The following MORN3 variants were observed in gnomAD, a reference collection of about 807,000 sequenced individuals.
MORN3 encodes MORN repeat-containing protein 3.
MORN3 carries 38 observed loss-of-function variants against 34.7 expected under a neutral mutation model. The observed-to-expected ratio is 1.10, with a 90% CI of 0.85 to 1.44. MORN3 has a LOEUF of 1.44. Among genes scored for constraint, MORN3 ranks in the 40% most tolerant of loss-of-function variants. MORN3 has a pLI of 0.00. For synonymous variants in MORN3, 109 were observed against 115.3 expected, an observed-to-expected ratio of 0.95 and a Z score of 0.35; for missense variants, 311 against 321.7, an observed-to-expected ratio of 0.97 and a Z score of 0.25.
At chr12:121,672,154 G>C (rs1299742345), upstream of MORN3, among the ~76,000 whole-genome samples, 1 of 152,086 alleles carries the variant, frequency 6.6e-6, no homozygotes, top group Non-Finnish European at 1.5e-5. Flanking sequence ...AGGTTGTTTT[G>C]ATGCTGAGTA....
chr12:121,658,370 T>A (rs1326316727), intron 2 of MORN3, among the ~76,000 whole-genome samples: 2 of 151,612 alleles, frequency 1.3e-5, no homozygotes, highest in African/African-American at 4.8e-5. Flanking sequence ...ATGGAGACCA[T>A]CCTGGCTAAC....
At chr12:121,652,282 G>A (rs1273228158) in intron 5 of MORN3, among the ~76,000 whole-genome samples, 3 of 151,982 alleles carry the variant, frequency 2.0e-5, no homozygotes, top group Non-Finnish European at 4.4e-5. Context: ...CGCCCAGGCT[G>A]GAGTGCAGTG....
chr12:121,659,164 CA>C (rs750858005), intron 2 of MORN3, 26 bp downstream of exon 2: 142 of 1,607,722 alleles, frequency 8.8e-5, no homozygotes, highest in South Asian at 5.9e-4. Context: ...CACACACACA[CA>C]CACCCCGGCT....
intron 1 of MORN3, among the ~76,000 whole-genome samples, chr12:121,660,666 C>CT (rs1893556376): frequency 8.2e-6 from 1 of 121,876 alleles, no homozygotes; most frequent in South Asian, 3.4e-4. Context: ...TTCTTTCTTT[C>CT]TTTCTTTTTT....
In MORN3 at chr12:121,654,317, C is replaced by T. The variant is rs1555325460; in HGVS notation, c.420G>A (p.Gln140=). ...YYSNGDIYEG[Q]WENDKPNGEG... Reference sequence around the variant, plus strand: ...CCCCGTTGGGCTTGTCGTTCTCCCACTGTCCCTCGTAGATGTCGCCGTTGC... The same window carrying T: ...CCCCGTTGGGCTTGTCGTTCTCCCATTGTCCCTCGTAGATGTCGCCGTTGC... Residue 140 remains glutamine, a synonymous_variant, in exon 3 of 6, where the codon CAG becomes CAA. Coordinates refer to ENST00000355329, the MANE Select transcript of MORN3 (RefSeq NM_173855.5). 1.2e-6 allele frequency: 2 copies of T among 1,602,146 alleles called. No individual in the cohort carries two copies. Among genetic ancestry groups the T allele is most frequent in the Admixed American group, 3.4e-5 (2 of 58,102 alleles).
At chr12:121,652,853 C>T in intron 4 of MORN3, 45 bp from the exon 5 acceptor site, 1 of 1,601,810 alleles carries the variant, frequency 6.2e-7, no homozygotes, top group Non-Finnish European at 8.6e-7. Context: ...CATGGAGGAC[C>T]CAGGCTGCCA....
At chr12:121,657,042 A>T (rs1555325768) in intron 2 of MORN3, among the ~76,000 whole-genome samples, 1 of 152,144 alleles carries the variant, frequency 6.6e-6, no homozygotes, top group African/African-American at 2.4e-5. Context: ...CAAAATTATG[A>T]CTGAGACAGT....
chr12:121,659,387 G>A, intron 1 of MORN3, 39 bp from the exon 2 acceptor site: 1 of 1,604,642 alleles, frequency 6.2e-7, no homozygotes, highest in Non-Finnish European at 8.5e-7. Flanking sequence ...AGACATGGCC[G>A]CCGGGGGGTG....
chr12:121,652,833 G>A, intron 4 of MORN3, 25 bp from the exon 5 acceptor site: 1 of 1,613,330 alleles, frequency 6.2e-7, no homozygotes, highest in Admixed American at 1.7e-5. Flanking sequence ...CAAGAAGTTG[G>A]TTTGGAGAGC....
intron 3 of MORN3, among the ~76,000 whole-genome samples, chr12:121,653,613 T>C (rs1167380559): frequency 6.6e-6 from 1 of 152,050 alleles, no homozygotes; most frequent in Non-Finnish European, 1.5e-5. Flanking sequence ...GTTCAAGTGA[T>C]TCTCCTGCCT....
chr12:121,662,005 G>C (rs913198575), intron 1 of MORN3, among the ~76,000 whole-genome samples: 1 of 151,926 alleles, frequency 6.6e-6, no homozygotes, highest in Admixed American at 6.6e-5. Context: ...AGTGAAATAA[G>C]CCAAGCAGAG....
upstream of MORN3, among the ~76,000 whole-genome samples, chr12:121,669,979 T>G (rs1893908927): frequency 6.6e-6 from 1 of 151,772 alleles, no homozygotes; most frequent in Non-Finnish European, 1.5e-5. Flanking sequence ...GTTCAAGTGA[T>G]TCTCGTGCCT....
intron 2 of MORN3, 116 bp from the exon 3 acceptor site, chr12:121,654,549 C>T: frequency 8.6e-7 from 1 of 1,157,704 alleles, no homozygotes; most frequent in Admixed American, 2.9e-5. Context: ...CTTCCTCAGC[C>T]CTACGTCCAA....
chr12:121,665,288 T>TC (rs1260342221), intron 1 of MORN3, among the ~76,000 whole-genome samples: 2 of 102,096 alleles, frequency 2.0e-5, no homozygotes, highest in African/African-American at 8.4e-5. Context: ...CTTTTTTTTT[T>TC]TTTTTTTTTT....
intron 1 of MORN3, among the ~76,000 whole-genome samples, chr12:121,668,619 C>T (rs892410356): frequency 6.6e-6 from 1 of 152,042 alleles, no homozygotes; most frequent in Non-Finnish European, 1.5e-5. Flanking sequence ...GAGGCTTGGA[C>T]AGGAGGATTG....
At chr12:121,655,753 G>A (rs187906891) in intron 2 of MORN3, among the ~76,000 whole-genome samples, 4 of 150,084 alleles carry the variant, frequency 2.7e-5, no homozygotes, top group African/African-American at 7.4e-5. Context: ...CACTTAGGCT[G>A]GGCGCTGTGG....
intron 2 of MORN3, among the ~76,000 whole-genome samples, chr12:121,656,284 C>T (rs1893414631): frequency 6.6e-6 from 1 of 151,986 alleles, no homozygotes; most frequent in Non-Finnish European, 1.5e-5. Context: ...TCCTGGCTAA[C>T]TCCTAGCATC....
At chr12:121,660,190 C>T (rs550890500) in intron 1 of MORN3, among the ~76,000 whole-genome samples, 1 of 141,436 alleles carries the variant, frequency 7.1e-6, no homozygotes, top group Non-Finnish European at 1.5e-5. Context: ...GCCGAGATGA[C>T]GTCGTTGCAG....
At chr12:121,661,521 A>G (rs777196074) in intron 1 of MORN3, among the ~76,000 whole-genome samples, 2 of 152,162 alleles carry the variant, frequency 1.3e-5, no homozygotes, top group African/African-American at 2.4e-5. Flanking sequence ...TTGACCAAGT[A>G]AGTTAATTCT....
Sources: gnomAD v4.1 joint callset for allele counts (sites outside exome capture counted in the v4.1 genomes callset) on GRCh38, gnomAD v4.1.1 for gene constraint, MANE v1.5 for transcripts, NCBI Gene and HGNC (gene_info 2026-07-23, HGNC 2026-07-21) for gene names.